Variants in FARP1 observed in about 807,000 individuals in gnomAD.
FARP1 encodes the protein FERM, ARHGEF and pleckstrin domain-containing protein 1.
Under a neutral mutation model 128.8 loss-of-function variants are expected in FARP1, and 52 were observed. That is an observed-to-expected ratio of 0.40 (90% CI 0.32 to 0.51). FARP1 has a LOEUF of 0.51. FARP1 is among the 20% of genes least tolerant of loss of function. The pLI is 0.45. For synonymous variants in FARP1, 580 were observed against 551.8 expected, an observed-to-expected ratio of 1.05 and a Z score of -0.72; for missense variants, 1,333 against 1,367.9, an observed-to-expected ratio of 0.97 and a Z score of 0.40.
Position 98,453,074 on chromosome 13 carries a change from T to G in FARP1, c.*4757T>G. On this transcript the variant is annotated 3_prime_UTR_variant, in exon 27 of 27. Transcript: ENST00000319562. ...CTGGGGTGGCTCCCAGTGGCGCACCTCTTCGGTGGAGTCAGCGAAGGCTCT... is the reference window on the plus strand; with the variant it reads ...CTGGGGTGGCTCCCAGTGGCGCACCGCTTCGGTGGAGTCAGCGAAGGCTCT... 7.0e-7 allele frequency: 1 copy of G among 1,423,858 alleles called. No homozygotes were observed. Among genetic ancestry groups the G allele is most frequent in the South Asian group, 1.2e-5 (1 of 83,752 alleles). 88.2% of individuals were successfully genotyped at this position (1,423,858 alleles called of 1,614,324 possible). A position where few individuals can be genotyped will look rare whatever the true frequency, so the allele number is the denominator to read the frequency against.
At chr13:98,310,836 A>G (rs1886425920) in intron 2 of FARP1, among the ~76,000 whole-genome samples, 3 of 152,222 alleles carry the variant, frequency 2.0e-5, no homozygotes, top group African/African-American at 2.4e-5. Context: ...ATGAATCTCA[A>G]TATATCCTTC....
At chr13:98,221,402 C>T (rs1594287684) in intron 2 of FARP1, among the ~76,000 whole-genome samples, 2 of 152,278 alleles carry the variant, frequency 1.3e-5, no homozygotes, top group South Asian at 4.2e-4. Flanking sequence ...ACCACAGCTG[C>T]CTGTGTAGTC....
intron 2 of FARP1, among the ~76,000 whole-genome samples, chr13:98,271,351 G>C (rs1222406926): frequency 6.6e-6 from 1 of 152,120 alleles, no homozygotes; most frequent in African/African-American, 2.4e-5. Context: ...ACGGTGGTGA[G>C]TCTTATCTCC....
chr13:98,247,882 G>A lies in FARP1; in HGVS notation c.171+34469G>A, dbSNP rs115360926. Among the ~76,000 whole-genome samples, 829 of 152,294 alleles carry A rather than the reference G, an allele frequency of 5.4e-3. 11 individuals are homozygous for A. The highest frequency in any genetic ancestry group is 0.019 in the African/African-American group (799 of 41,558). On this transcript the variant is annotated intron_variant, in intron 2 of 26. Coordinates refer to ENST00000319562, the MANE Select transcript of FARP1 (RefSeq NM_005766.4). ...ACGGATGTGGTCATCAGCTTCCAGC[G>A]ATCCTTGTGAAGAGCTGTGTATTGA...
chr13:98,144,934 A>G (rs1237729128), intron 1 of FARP1, among the ~76,000 whole-genome samples: 3 of 152,164 alleles, frequency 2.0e-5, no homozygotes, highest in Admixed American at 6.5e-5. Flanking sequence ...AGTGTGCTTC[A>G]TAAGTGGGTA....
At position 98,213,233 on chromosome 13, in the gene FARP1, C is replaced by A; in HGVS notation, c.-10C>A. 1 of 1,609,688 alleles carries A rather than the reference C, an allele frequency of 6.2e-7. No individual in the cohort carries two copies. Among genetic ancestry groups the A allele is most frequent in the Non-Finnish European group, 8.5e-7 (1 of 1,178,622 alleles). ...TGCTTCCTGCAGATATTCTCTAAGC[C>A]GCTTTCATCATGGGAGAAATAGAGC... On this transcript the variant is annotated 5_prime_UTR_variant, in exon 2 of 27. Transcript: ENST00000319562.
chr13:98,412,581 T>A (rs1349210841), intron 16 of FARP1, among the ~76,000 whole-genome samples: 2 of 152,204 alleles, frequency 1.3e-5, no homozygotes, highest in Admixed American at 1.3e-4. Flanking sequence ...AGACATCCAA[T>A]GAATAATTAA....
chr13:98,389,869 A>G, intron 9 of FARP1, 88 bp from the exon 10 acceptor site: 1 of 1,324,522 alleles, frequency 7.5e-7, no homozygotes, highest in Non-Finnish European at 1.1e-6. Flanking sequence ...ACTTTATCGG[A>G]CAAAGCTATC....
At chr13:98,221,046 C>T (rs753883923) in intron 2 of FARP1, among the ~76,000 whole-genome samples, 1 of 151,980 alleles carries the variant, frequency 6.6e-6, no homozygotes, top group Non-Finnish European at 1.5e-5. Context: ...AAGTGCAGGC[C>T]CTGGGTCTGG....
chr13:98,208,315 GAAA>G (rs547241664), intron 1 of FARP1, among the ~76,000 whole-genome samples: 33,425 of 129,542 alleles, frequency 0.26, 5,682 homozygotes, highest in East Asian at 0.67. Context: ...CTACTGGGGA[GAAA>G]AAAAAAAAAA....
At chr13:98,368,218 A>T (rs1261579445) in intron 5 of FARP1, 23 bp downstream of exon 5, 3 of 1,568,472 alleles carry the variant, frequency 1.9e-6, no homozygotes, top group Non-Finnish European at 2.6e-6. Context: ...GAAACTGTGT[A>T]TTTTTTGCTA....
At chr13:98,289,705 T>C (rs1885359825) in intron 2 of FARP1, among the ~76,000 whole-genome samples, 1 of 152,172 alleles carries the variant, frequency 6.6e-6, no homozygotes, top group South Asian at 2.1e-4. Flanking sequence ...CACTGCATGC[T>C]ATTTCTCTTG....
At chr13:98,428,067 C>T (rs1228615611) in intron 17 of FARP1, among the ~76,000 whole-genome samples, 5 of 147,886 alleles carry the variant, frequency 3.4e-5, no homozygotes, top group South Asian at 4.6e-4. Context: ...CTCCCACCCC[C>T]GACCCGTGCA....
chr13:98,294,521 G>T (rs887472281), intron 2 of FARP1, among the ~76,000 whole-genome samples: 2 of 152,170 alleles, frequency 1.3e-5, no homozygotes, highest in African/African-American at 4.8e-5. Context: ...GTGAGGTGAG[G>T]ACAGTGCTTG....
intron 2 of FARP1, among the ~76,000 whole-genome samples, chr13:98,317,687 C>T (rs1384344166): frequency 6.6e-6 from 1 of 152,194 alleles, no homozygotes; most frequent in Non-Finnish European, 1.5e-5. Flanking sequence ...CATAACCACA[C>T]GTCACTGACT....
rs548745369 is a variant in FARP1, at chr13:98,200,390, C to G, written c.-23-12830C>G. ...AATCACCTGGAATGCAACCTTCACC[C>G]CCCCCCCCTCCCCTTTGTGATTCAG... On this transcript the variant is annotated intron_variant, in intron 1 of 26. Transcript: ENST00000319562. 1.6e-4 allele frequency among the ~76,000 whole-genome samples: 9 copies of G among 55,682 alleles called. 1 individual carries two copies. Among genetic ancestry groups the G allele is most frequent in the Admixed American group, 4.3e-4 (2 of 4,696 alleles). The allele number at this position is 55,682 out of a possible 152,430, so 36.5% of individuals were successfully genotyped here. A position where few individuals can be genotyped will look rare whatever the true frequency, so the allele number is the denominator to read the frequency against.
At chr13:98,430,761 AG>A (rs1265883470) in intron 17 of FARP1, among the ~76,000 whole-genome samples, 1 of 152,226 alleles carries the variant, frequency 6.6e-6, no homozygotes, top group African/African-American at 2.4e-5. Context: ...TCAATTTTAA[AG>A]GAACATTTAT....
intron 5 of FARP1, among the ~76,000 whole-genome samples, chr13:98,369,524 C>T (rs1889240791): frequency 6.6e-6 from 1 of 151,814 alleles, no homozygotes; most frequent in South Asian, 2.1e-4. Flanking sequence ...GCTCCCCCCA[C>T]CCCACAACAG....
intron 1 of FARP1, among the ~76,000 whole-genome samples, chr13:98,153,328 A>AT (rs1876178153): frequency 1.1e-4 from 1 of 8,806 alleles, no homozygotes; most frequent in African/African-American, 1.4e-4. Context: ...TATAAATAAT[A>AT]TAATATATAA....
Sources: gnomAD v4.1 joint callset for allele counts (sites outside exome capture counted in the v4.1 genomes callset) on GRCh38, gnomAD v4.1.1 for gene constraint, MANE v1.5 for transcripts, NCBI Gene and HGNC (gene_info 2026-07-23, HGNC 2026-07-21) for gene names.